The following HIKESHI variants were observed in gnomAD, a reference collection of about 807,000 sequenced individuals.
The protein encoded by HIKESHI is protein Hikeshi.
A neutral mutation model predicts 25.7 loss-of-function variants in HIKESHI; 13 were observed. That is an observed-to-expected ratio of 0.51 (90% CI 0.33 to 0.80). The LOEUF (loss-of-function observed/expected upper bound fraction) is 0.80. Ranked by LOEUF, HIKESHI falls within the 30% of genes least tolerant of loss-of-function variation. HIKESHI has a pLI of 0.02. For missense variants in HIKESHI, 174 were observed against 229.5 expected (o/e 0.76, Z 1.56); for synonymous variants, 76 against 78.7 (o/e 0.97, Z 0.18).
chr11:86,323,400 A>G (rs748151345), intron 2 of HIKESHI, among the ~76,000 whole-genome samples: 1 of 152,194 alleles, frequency 6.6e-6, no homozygotes, highest in Non-Finnish European at 1.5e-5. Context: ...ACTTATATCT[A>G]TATAATAATC....
At chr11:86,324,480 C>G (rs1267346107) in intron 2 of HIKESHI, among the ~76,000 whole-genome samples, 1 of 152,060 alleles carries the variant, frequency 6.6e-6, no homozygotes, top group Non-Finnish European at 1.5e-5. Flanking sequence ...TTAGAACATA[C>G]CAACATTAAA....
chr11:86,342,150 G>T lies in HIKESHI; in HGVS notation c.421-2453G>T, dbSNP rs117619641. Among the ~76,000 whole-genome samples the T allele has an allele frequency of 2.1e-3, 315 of 152,050 alleles. 4 individuals are homozygous for T. The East Asian group carries it at 0.049, about 24-fold the overall frequency. The stretch of plus-strand genomic sequence containing the variant: ...TCTTTGCACACTTTTGGCTGTGTTT[G>T]TATTTCCTTTTATAGGAATTGACTT... On this transcript the variant is annotated intron_variant, in intron 3 of 4. Transcript: ENST00000278483.
chr11:86,342,659 A>G (rs1412608466), intron 3 of HIKESHI, among the ~76,000 whole-genome samples: 1 of 151,338 alleles, frequency 6.6e-6, no homozygotes, highest in African/African-American at 2.4e-5. Context: ...TGGTAAGGGA[A>G]TTAAATTCAT....
chr11:86,338,688 A>G (rs1002797615), intron 3 of HIKESHI, among the ~76,000 whole-genome samples: 4 of 152,222 alleles, frequency 2.6e-5, no homozygotes, highest in African/African-American at 9.6e-5. Flanking sequence ...TAGATTTGTC[A>G]CATCTTTGAA....
chr11:86,340,773 T>A (rs1339605368), intron 3 of HIKESHI, among the ~76,000 whole-genome samples: 2 of 152,150 alleles, frequency 1.3e-5, no homozygotes, highest in Non-Finnish European at 2.9e-5. Flanking sequence ...GCCTCCCAAG[T>A]AGCTGGGATT....
chr11:86,331,265 G>A (rs889559795), intron 2 of HIKESHI, among the ~76,000 whole-genome samples: 8 of 152,102 alleles, frequency 5.3e-5, no homozygotes, highest in Admixed American at 2.0e-4. Context: ...CGAGGCGGGC[G>A]CATCTTTGAG....
At chr11:86,317,014 G>C (rs749048156) in intron 2 of HIKESHI, among the ~76,000 whole-genome samples, 14 of 151,814 alleles carry the variant, frequency 9.2e-5, no homozygotes, top group Non-Finnish European at 1.9e-4. Flanking sequence ...GGATGGTCTC[G>C]ATCTCCTGAC....
chr11:86,325,099 G>T (rs565850107), intron 2 of HIKESHI, among the ~76,000 whole-genome samples: 15 of 152,016 alleles, frequency 9.9e-5, no homozygotes, highest in Admixed American at 7.9e-4. Context: ...GATCACTTGA[G>T]CCTAGGAGGA....
At chr11:86,335,247 C>G (rs1403914168) in intron 2 of HIKESHI, among the ~76,000 whole-genome samples, 1 of 152,180 alleles carries the variant, frequency 6.6e-6, no homozygotes, top group Non-Finnish European at 1.5e-5. Context: ...TGTCACCTAA[C>G]TTGGAACTCT....
chr11:86,344,998 T>A, intron 4 of HIKESHI: 1 of 571,376 alleles, frequency 1.8e-6, no homozygotes, highest in African/African-American at 1.9e-5. Flanking sequence ...ATTTGTGTAT[T>A]TTCATTTAGA....
intron 1 of HIKESHI, among the ~76,000 whole-genome samples, 160 bp from the exon 2 acceptor site, chr11:86,306,085 T>C (rs997433174): frequency 6.6e-6 from 1 of 152,152 alleles, no homozygotes; most frequent in East Asian, 1.9e-4. Flanking sequence ...TAGATTATGA[T>C]TGTAAAACTA....
chr11:86,339,549 T>C (rs774185561), intron 3 of HIKESHI, among the ~76,000 whole-genome samples: 2 of 152,282 alleles, frequency 1.3e-5, no homozygotes, highest in Non-Finnish European at 2.9e-5. Flanking sequence ...AGCCCACTGC[T>C]GCCTGCTTCT....
At chr11:86,326,315 A>T (rs752764847) in intron 2 of HIKESHI, among the ~76,000 whole-genome samples, 1 of 152,160 alleles carries the variant, frequency 6.6e-6, no homozygotes, top group African/African-American at 2.4e-5. Flanking sequence ...TAAATAAATA[A>T]ATAAAAAATA....
In HIKESHI at chr11:86,328,827, G is replaced by A. The variant is rs528338224; in HGVS notation, c.269-8552G>A. Among the ~76,000 whole-genome samples, 243 of 151,596 alleles carry A rather than the reference G, an allele frequency of 1.6e-3. 2 individuals carry two copies. Among genetic ancestry groups the A allele is most frequent in the African/African-American group, 4.4e-3 (181 of 41,342 alleles). ...CCTGGTCTTGAGTAATCCACCTGCC[G>A]TGGCCTCCCAAAGTGCTGGGATTAC... On this transcript the variant is annotated intron_variant, in intron 2 of 4. Transcript: ENST00000278483.
intron 2 of HIKESHI, among the ~76,000 whole-genome samples, chr11:86,334,272 G>GTT (rs1212359801): frequency 5.0e-4 from 74 of 148,686 alleles, no homozygotes; most frequent in African/African-American, 1.7e-3. Context: ...GTGTGTGTGT[G>GTT]TAAAGTTTCC....
In HIKESHI at chr11:86,306,439, T is replaced by C. The variant is rs1051600008; in HGVS notation, c.225T>C (p.Asn75=). 1 of 1,613,612 alleles carries C rather than the reference T, an allele frequency of 6.2e-7. No homozygotes were observed. Among genetic ancestry groups the C allele is most frequent in the South Asian group, 1.1e-5 (1 of 91,074 alleles). ...GGCAACTCCTAGGATTTGTCACGAA[T>C]GGGAAGCCAAGTGCCATCTTCAAAA... ...PVWQLLGFVT[N]GKPSAIFKIS... is the part of the protein sequence containing the mutation. The change falls in exon 2 of 5, where the codon AAT becomes AAC. Residue 75 remains asparagine, a synonymous_variant. Transcript: ENST00000278483.
intron 3 of HIKESHI, among the ~76,000 whole-genome samples, chr11:86,338,971 C>T (rs1218738621): frequency 6.6e-6 from 1 of 152,122 alleles, no homozygotes; most frequent in Non-Finnish European, 1.5e-5. Context: ...ATTTTAAATA[C>T]AGAGAAAATA....
At chr11:86,317,025 CTT>C (rs895676438) in intron 2 of HIKESHI, among the ~76,000 whole-genome samples, 1 of 151,906 alleles carries the variant, frequency 6.6e-6, no homozygotes, top group African/African-American at 2.4e-5. Context: ...ATCTCCTGAC[CTT>C]GTGATCCACC....
chr11:86,327,354 G>A (rs1017125464), intron 2 of HIKESHI, among the ~76,000 whole-genome samples: 1 of 150,632 alleles, frequency 6.6e-6, no homozygotes, highest in African/African-American at 2.4e-5. Context: ...TCGCTCTGTC[G>A]CCCAGGCTAG....
Sources: gnomAD v4.1 joint callset for allele counts (sites outside exome capture counted in the v4.1 genomes callset) on GRCh38, gnomAD v4.1.1 for gene constraint, MANE v1.5 for transcripts, NCBI Gene and HGNC (gene_info 2026-07-23, HGNC 2026-07-21) for gene names.